LIMK1: variants seen among roughly 807,000 people sequenced by gnomAD.
LIMK1 encodes the protein LIM domain kinase 1.
A neutral mutation model predicts 77.6 loss-of-function variants in LIMK1; 21 were observed. The observed-to-expected ratio is 0.27, with a 90% CI of 0.19 to 0.39. The LOEUF (loss-of-function observed/expected upper bound fraction) is 0.39. Ranked by LOEUF, LIMK1 falls within the 10% of genes least tolerant of loss-of-function variation. The pLI, the probability that LIMK1 is intolerant of heterozygous loss-of-function variation, is 1.00. For missense variants in LIMK1, 696 were observed against 901.6 expected, an observed-to-expected ratio of 0.77 and a Z score of 2.92; for synonymous variants, 358 against 370.0, an observed-to-expected ratio of 0.97 and a Z score of 0.37.
intron 1 of LIMK1, 32 bp downstream of exon 1, chr7:74,084,077 C>A: frequency 1.5e-6 from 2 of 1,338,366 alleles, no homozygotes; most frequent in Admixed American, 2.4e-5. Flanking sequence ...GGGCGAGGGC[C>A]TGGAGGGGGT....
At chr7:74,100,495 T>G (rs1364017379) in intron 5 of LIMK1, among the ~76,000 whole-genome samples, 1 of 152,068 alleles carries the variant, frequency 6.6e-6, no homozygotes, top group Non-Finnish European at 1.5e-5. Flanking sequence ...TGATACCAGC[T>G]CACTGCAACC....
At position 74,108,998 on chromosome 7, in the gene LIMK1, A is replaced by C. The variant is rs1322505866; in HGVS notation, c.1246A>C (p.Ile416Leu). 1 of 1,613,918 alleles carries C rather than the reference A, an allele frequency of 6.2e-7. No individual in the cohort carries two copies. The highest frequency in any genetic ancestry group is 8.5e-7 in the Non-Finnish European group (1 of 1,179,980). ...GAGGCTCAACTTCATCACTGAGTAC[A>C]TCAAGGGCGGCACGCTCCGGGGCAT... ...DKRLNFITEY[I>L]KGGTLRGIIK... is the part of the protein sequence containing the mutation. The change falls in exon 10 of 16, where the codon ATC (isoleucine) becomes CTC (leucine). Residue 416 changes from isoleucine to leucine, a missense_variant. Ile to Leu is a conservative substitution (Grantham distance 5). Around this residue, in one of 3 missense-constraint regions of LIMK1, gnomAD observed 438 missense variants for 602.3 expected, o/e 0.73. Coordinates refer to ENST00000336180, the MANE Select transcript of LIMK1 (RefSeq NM_002314.4).
At chr7:74,114,506 G>A (rs973319095) in intron 12 of LIMK1, among the ~76,000 whole-genome samples, 2 of 149,722 alleles carry the variant, frequency 1.3e-5, no homozygotes, top group African/African-American at 2.5e-5. Flanking sequence ...AGCTGTGTTC[G>A]TGCCACTGCA....
In LIMK1 at chr7:74,111,376, T is replaced by G. The variant is rs368306300; in HGVS notation, c.1285-272T>G. 82 of 451,020 alleles carry G rather than the reference T, an allele frequency of 1.8e-4. No individual in the cohort carries two copies. The East Asian group carries it at 2.3e-3, about 12-fold the overall frequency. The allele number at this position is 451,020 out of a possible 1,614,324, so 27.9% of individuals were successfully genotyped here. A position where few individuals can be genotyped will look rare whatever the true frequency, so the allele number is the denominator to read the frequency against. On this transcript the variant is annotated intron_variant, in intron 10 of 15. Coordinates refer to ENST00000336180, the MANE Select transcript of LIMK1 (RefSeq NM_002314.4). The stretch of plus-strand genomic sequence containing the variant: ...TCACTTGAGCCCCGGAGGCGAAGGT[T>G]GTAGGGAGCTGAGATGGTACCACTG...
At chr7:74,107,698 A>G (rs1273433594) in intron 8 of LIMK1, among the ~76,000 whole-genome samples, 173 bp from the exon 9 acceptor site, 1 of 145,146 alleles carries the variant, frequency 6.9e-6, no homozygotes, top group African/African-American at 2.5e-5. Flanking sequence ...AAAAAAAAAG[A>G]CAAGGGATTA....
At chr7:74,088,870 G>A (rs770466766) in intron 2 of LIMK1, among the ~76,000 whole-genome samples, 2 of 151,786 alleles carry the variant, frequency 1.3e-5, no homozygotes, top group African/African-American at 2.4e-5. Context: ...GTGACATGCT[G>A]TTGAAGAATG....
Position 74,084,083 on chromosome 7 carries a change from G to C in LIMK1, c.55+38G>C, listed in dbSNP as rs782703762. ...CGGGGTGTGGGGCGAGGGCCTGGAG[G>C]GGGTGCCCGGGGCAGCGTGGGGCAC... On this transcript the variant is annotated intron_variant, in intron 1 of 15. Coordinates refer to ENST00000336180, the MANE Select transcript of LIMK1 (RefSeq NM_002314.4). 3.2e-6 allele frequency: 4 copies of C among 1,268,126 alleles called. 1 individual carries two copies. Among genetic ancestry groups the C allele is most frequent in the Non-Finnish European group, 4.3e-6 (4 of 927,352 alleles). The allele number at this position is 1,268,126 out of a possible 1,614,324, so 78.6% of individuals were successfully genotyped here.
In LIMK1 at chr7:74,102,047, C is replaced by T. The variant is rs139928356; in HGVS notation, c.608+2809C>T. The stretch of plus-strand genomic sequence containing the variant: ...CTGTGTCGCCCAGGCTAGTCTTGAA[C>T]TCCTGGGCTCAAGCAATCCTCCCAC... On this transcript the variant is annotated intron_variant, in intron 5 of 15. Transcript: ENST00000336180. Among the ~76,000 whole-genome samples the T allele has an allele frequency of 9.9e-5, 15 of 152,266 alleles. No individual in the cohort carries two copies. In the East Asian group the frequency reaches 2.9e-3, roughly 29 times the overall value.
At chr7:74,098,757 T>C (rs1584113942) in intron 4 of LIMK1, among the ~76,000 whole-genome samples, 2 of 152,010 alleles carry the variant, frequency 1.3e-5, no homozygotes, top group South Asian at 2.1e-4. Flanking sequence ...GGCAGGAGAA[T>C]CGCTTGAACC....
chr7:74,120,359 C>T (rs1799905529), intron 13 of LIMK1, among the ~76,000 whole-genome samples: 1 of 152,232 alleles, frequency 6.6e-6, no homozygotes, highest in South Asian at 2.1e-4. Context: ...ACTCCTTGTC[C>T]AGGGCTCTGC....
chr7:74,119,051 A>G (rs992582525), intron 13 of LIMK1, among the ~76,000 whole-genome samples: 7 of 151,456 alleles, frequency 4.6e-5, no homozygotes, highest in African/African-American at 1.5e-4. Context: ...GCCCGCCACC[A>G]CGCCTGGCTA....
chr7:74,087,095 T>C (rs1554694170), intron 2 of LIMK1, among the ~76,000 whole-genome samples: 1 of 151,948 alleles, frequency 6.6e-6, no homozygotes, highest in Admixed American at 6.6e-5. Context: ...GGATGTGAGA[T>C]TTCCTGGGTA....
chr7:74,119,758 A>T (rs1799894282), intron 13 of LIMK1, among the ~76,000 whole-genome samples: 1 of 151,794 alleles, frequency 6.6e-6, no homozygotes, highest in Admixed American at 6.6e-5. Flanking sequence ...AAGTACAAAA[A>T]TTAGCTGGGC....
Position 74,105,990 on chromosome 7 carries a change from T to A in LIMK1, c.714+10T>A. Reference sequence around the variant, plus strand: ...TGTGCCCCTGGACGAGGTACGGTCCTGAGTCTGTGGGGCAGGACGGGAGGT... The same window carrying A: ...TGTGCCCCTGGACGAGGTACGGTCCAGAGTCTGTGGGGCAGGACGGGAGGT... On this transcript the variant is annotated intron_variant, in intron 6 of 15. Coordinates refer to ENST00000336180, the MANE Select transcript of LIMK1 (RefSeq NM_002314.4). 1 of 1,613,914 alleles carries A rather than the reference T, an allele frequency of 6.2e-7. No homozygotes were observed. Among genetic ancestry groups the A allele is most frequent in the South Asian group, 1.1e-5 (1 of 91,086 alleles).
rs869065672 is a variant in LIMK1 at position 74,095,968 on chromosome 7, C to CTTTTTTTTTTTTTTTTT, written c.153-640_153-639insTTTTTTTTTTTTTTTTT. Among the ~76,000 whole-genome samples the CTTTTTTTTTTTTTTTTT allele has an allele frequency of 2.3e-3, 288 of 127,128 alleles. 3 individuals are homozygous for CTTTTTTTTTTTTTTTTT. Among genetic ancestry groups the CTTTTTTTTTTTTTTTTT allele is most frequent in the African/African-American group, 6.4e-3 (193 of 30,210 alleles). 83.4% of individuals were successfully genotyped at this position (127,128 alleles called of 152,430 possible). On this transcript the variant is annotated intron_variant, in intron 2 of 15. Coordinates refer to ENST00000336180, the MANE Select transcript of LIMK1 (RefSeq NM_002314.4). ...GGGATTCTCCTCTATTTTTCTTTTT[C>CTTTTTTTTTTTTTTTTT]TTTTTTTTTTTTTTGGAGACAGAGT... is the stretch of plus-strand genomic sequence containing the variant.
At chr7:74,089,789 G>A (rs1398956765) in intron 2 of LIMK1, among the ~76,000 whole-genome samples, 2 of 152,060 alleles carry the variant, frequency 1.3e-5, no homozygotes, top group African/African-American at 2.4e-5. Flanking sequence ...AAAAACGGCC[G>A]CCTCGGAGCT....
chr7:74,102,058 A>G (rs1799470014), intron 5 of LIMK1, among the ~76,000 whole-genome samples: 2 of 152,180 alleles, frequency 1.3e-5, no homozygotes, highest in African/African-American at 4.8e-5. Flanking sequence ...TCCTGGGCTC[A>G]AGCAATCCTC....
intron 12 of LIMK1, among the ~76,000 whole-genome samples, chr7:74,114,914 CAAAAAAAA>C (rs569366868): frequency 1.4e-4 from 10 of 69,910 alleles, no homozygotes; most frequent in African/African-American, 4.9e-4. Context: ...GACTCCAACT[CAAAAAAAA>C]AAAAAAAAAG....
In LIMK1 at chr7:74,097,209, C is replaced by T. The variant is rs782597265; in HGVS notation, c.401+20C>T. ...GTACTGGTGAGTGCCTTGGCCCCTC[C>T]CTGAGCCTAGGAGGCCCACCTGTGT... On this transcript the variant is annotated intron_variant, in intron 4 of 15. Coordinates refer to ENST00000336180, the MANE Select transcript of LIMK1 (RefSeq NM_002314.4). 15 of 1,535,462 alleles carry T rather than the reference C, an allele frequency of 9.8e-6. No individual in the cohort carries two copies. The highest frequency in any genetic ancestry group is 1.2e-5 in the Non-Finnish European group (14 of 1,126,420).
Sources: allele counts gnomAD v4.1 joint callset (sites outside exome capture counted in the v4.1 genomes callset), GRCh38; gene constraint gnomAD v4.1.1; regional missense constraint gnomAD v4.1.1; transcripts MANE v1.5; gene names NCBI Gene and HGNC (gene_info 2026-07-23, HGNC 2026-07-21).